The following RASAL2 variants were observed in gnomAD, a reference collection of about 807,000 sequenced individuals.
The protein encoded by RASAL2 is ras GTPase-activating protein nGAP.
A neutral mutation model predicts 128.9 loss-of-function variants in RASAL2; 58 were observed. The ratio of observed to expected loss-of-function variants is 0.45; its 90% CI spans 0.36 to 0.56. RASAL2 has a LOEUF of 0.56. Ranked by LOEUF, RASAL2 falls within the 20% of genes least tolerant of loss-of-function variation. The pLI is 0.00. For missense variants in RASAL2, 1,360 were observed against 1,601.6 expected (o/e 0.85, Z 2.57); for synonymous variants, 561 against 580.8 (o/e 0.97, Z 0.49).
chr1:178,189,087 T>C (rs1456455088), intron 1 of RASAL2, among the ~76,000 whole-genome samples: 1 of 152,182 alleles, frequency 6.6e-6, no homozygotes, highest in African/African-American at 2.4e-5. Flanking sequence ...ATGACATTGA[T>C]ACCAGCTGCA....
chr1:178,446,830 A>G (rs1677032994), intron 9 of RASAL2, among the ~76,000 whole-genome samples: 1 of 152,200 alleles, frequency 6.6e-6, no homozygotes, highest in African/African-American at 2.4e-5. Context: ...AAATACATTT[A>G]TGTTTTGTAT....
chr1:178,094,592 C>T lies in RASAL2; in HGVS notation c.100C>T (p.Leu34=), dbSNP rs772843023. ...CGACTCGCCGCTGCCCCCGGAGGAC[C>T]TGGACGCGGTTGTCCCAGTCAGTGG... The part of the protein sequence containing the change: ...ESDSPLPPED[L]DAVVPVSGAV... The change falls in exon 1 of 18, where the codon CTG becomes TTG. Residue 34 remains leucine (L), a synonymous_variant. Coordinates refer to ENST00000367649, the MANE Select transcript of RASAL2 (RefSeq NM_170692.4). 22 of 1,610,766 alleles carry T rather than the reference C, an allele frequency of 1.4e-5. No individual in the cohort carries two copies. Among genetic ancestry groups the T allele is most frequent in the Admixed American group, 1.7e-5 (1 of 59,628 alleles).
At chr1:178,320,718 G>T (rs1057364781) in intron 3 of RASAL2, among the ~76,000 whole-genome samples, 3 of 152,172 alleles carry the variant, frequency 2.0e-5, no homozygotes, top group African/African-American at 7.2e-5. Context: ...GATGAACCCG[G>T]TACCTCAGAT....
At chr1:178,360,100 C>T (rs1002005909) in intron 3 of RASAL2, among the ~76,000 whole-genome samples, 4 of 152,146 alleles carry the variant, frequency 2.6e-5, no homozygotes, top group Non-Finnish European at 5.9e-5. Context: ...ACTTTACTTT[C>T]AGTAATTAAA....
intron 4 of RASAL2, among the ~76,000 whole-genome samples, chr1:178,412,956 CTTTCT>C (rs1365979278): frequency 6.6e-6 from 1 of 151,822 alleles, no homozygotes; most frequent in African/African-American, 2.4e-5. Flanking sequence ...CTTTCTTTCT[CTTTCT>C]TTTTCTTTCT....
At chr1:178,100,236 C>T (rs1390435426) in intron 1 of RASAL2, among the ~76,000 whole-genome samples, 1 of 152,118 alleles carries the variant, frequency 6.6e-6, no homozygotes, top group East Asian at 1.9e-4. Context: ...TAAAAATGGG[C>T]CGGGCGCGGT....
At chr1:178,158,539 T>G (rs1661160907) in intron 1 of RASAL2, among the ~76,000 whole-genome samples, 1 of 152,162 alleles carries the variant, frequency 6.6e-6, no homozygotes, top group African/African-American at 2.4e-5. Flanking sequence ...TTTACCTAAT[T>G]TGTAAAATAG....
intron 1 of RASAL2, among the ~76,000 whole-genome samples, chr1:178,221,864 T>A (rs1383148385): frequency 1.3e-5 from 2 of 152,196 alleles, no homozygotes; most frequent in Admixed American, 6.5e-5. Flanking sequence ...CTGTTAAAAT[T>A]TCCAACTGTA....
At chr1:178,352,119 A>G (rs1300914397) in intron 3 of RASAL2, among the ~76,000 whole-genome samples, 1 of 152,244 alleles carries the variant, frequency 6.6e-6, no homozygotes, top group Non-Finnish European at 1.5e-5. Context: ...CATCACACAT[A>G]GGAATGCTAT....
At chr1:178,333,637 C>A (rs1669450346) in intron 3 of RASAL2, among the ~76,000 whole-genome samples, 1 of 152,068 alleles carries the variant, frequency 6.6e-6, no homozygotes, top group South Asian at 2.1e-4. Flanking sequence ...GTTCAAAAAC[C>A]CAAGCCATAT....
At chr1:178,407,373 A>G (rs1304261376) in intron 4 of RASAL2, among the ~76,000 whole-genome samples, 1 of 152,192 alleles carries the variant, frequency 6.6e-6, no homozygotes, top group Admixed American at 6.5e-5. Flanking sequence ...TTTAGTGAAT[A>G]TCTACAAGTT....
intron 1 of RASAL2, among the ~76,000 whole-genome samples, chr1:178,243,060 G>A (rs190204187): frequency 1.3e-5 from 2 of 151,932 alleles, no homozygotes; most frequent in East Asian, 3.9e-4. Context: ...AAAATTTATT[G>A]AATCTTGAAC....
intron 4 of RASAL2, among the ~76,000 whole-genome samples, chr1:178,412,898 T>G (rs1674492951): frequency 6.6e-6 from 1 of 152,180 alleles, no homozygotes; most frequent in African/African-American, 2.4e-5. Flanking sequence ...TTCCCCTCAT[T>G]TTTCCAGCAG....
chr1:178,287,449 G>GA (rs762428185), intron 2 of RASAL2, among the ~76,000 whole-genome samples: 40 of 144,888 alleles, frequency 2.8e-4, no homozygotes, highest in Admixed American at 4.1e-4. Context: ...AGAAAAAAAT[G>GA]AAAAAAAAAA....
At chr1:178,150,006 C>T (rs1420671951) in intron 1 of RASAL2, among the ~76,000 whole-genome samples, 1 of 152,048 alleles carries the variant, frequency 6.6e-6, no homozygotes, top group Non-Finnish European at 1.5e-5. Context: ...CTACTTTTTC[C>T]ACTTTTAAAG....
At chr1:178,148,676 C>G (rs1660810740) in intron 1 of RASAL2, among the ~76,000 whole-genome samples, 1 of 152,012 alleles carries the variant, frequency 6.6e-6, no homozygotes, top group African/African-American at 2.4e-5. Context: ...AATTCCCAAG[C>G]TCAAGCAATA....
intron 17 of RASAL2, among the ~76,000 whole-genome samples, chr1:178,471,987 G>C (rs1044169372): frequency 7.9e-5 from 12 of 152,138 alleles, no homozygotes; most frequent in African/African-American, 2.7e-4. Context: ...GGCTTTGGAG[G>C]TATTCCCTAT....
chr1:178,346,863 G>A, intron 3 of RASAL2, among the ~76,000 whole-genome samples: 1 of 152,148 alleles, frequency 6.6e-6, no homozygotes, highest in East Asian at 1.9e-4. Flanking sequence ...TTTAGCTTAT[G>A]CAAGATCAAA....
At chr1:178,265,154 T>A (rs1455900091) in intron 1 of RASAL2, among the ~76,000 whole-genome samples, 1 of 152,238 alleles carries the variant, frequency 6.6e-6, no homozygotes, top group Non-Finnish European at 1.5e-5. Flanking sequence ...GTTATCTGAC[T>A]ATACCACTAA....
Sources: gnomAD v4.1 joint callset for allele counts (sites outside exome capture counted in the v4.1 genomes callset) on GRCh38, gnomAD v4.1.1 for gene constraint, MANE v1.5 for transcripts, NCBI Gene and HGNC (gene_info 2026-07-23, HGNC 2026-07-21) for gene names.